PKN2: variants seen among roughly 807,000 people sequenced by gnomAD.
The protein encoded by PKN2 is protein kinase N2, also known as serine/threonine-protein kinase N2.
A neutral mutation model predicts 119.1 loss-of-function variants in PKN2; 38 were observed. That is an observed-to-expected ratio of 0.32 (90% CI 0.25 to 0.42). PKN2 has a LOEUF of 0.42. Ranked by LOEUF, PKN2 falls within the 10% of genes least tolerant of loss-of-function variation. The pLI is 1.00. For synonymous variants in PKN2, 390 were observed against 384.9 expected, an observed-to-expected ratio of 1.01 and a Z score of -0.15; for missense variants, 850 against 1,165.1, an observed-to-expected ratio of 0.73 and a Z score of 3.94.
intron 6 of PKN2, among the ~76,000 whole-genome samples, chr1:88,783,778 T>C (rs1005066108): frequency 5.3e-5 from 8 of 152,196 alleles, no homozygotes; most frequent in Non-Finnish European, 1.0e-4. Flanking sequence ...TTTGAACACC[T>C]TTAGTATTTA....
chr1:88,746,626 G>A (rs2100755329), intron 2 of PKN2, among the ~76,000 whole-genome samples: 1 of 152,246 alleles, frequency 6.6e-6, no homozygotes, highest in Non-Finnish European at 1.5e-5. Context: ...CAAGGATATG[G>A]AGAAAAGGGA....
chr1:88,686,247 A>T (rs1239284622), intron 1 of PKN2, among the ~76,000 whole-genome samples: 1 of 152,130 alleles, frequency 6.6e-6, no homozygotes, highest in African/African-American at 2.4e-5. Context: ...ATTGAGAAAG[A>T]TGATAGGGTC....
chr1:88,751,647 TC>T (rs1669003676), intron 2 of PKN2, among the ~76,000 whole-genome samples: 1 of 152,162 alleles, frequency 6.6e-6, no homozygotes, highest in Non-Finnish European at 1.5e-5. Context: ...CATTTTAGCT[TC>T]AATTCCACAA....
At chr1:88,785,644 G>T (rs964456225) in intron 7 of PKN2, among the ~76,000 whole-genome samples, 1 of 152,126 alleles carries the variant, frequency 6.6e-6, no homozygotes, top group African/African-American at 2.4e-5. Context: ...GTATAACTGG[G>T]GGGAAAAGCA....
chr1:88,786,557 C>T (rs917358125), intron 8 of PKN2, among the ~76,000 whole-genome samples: 7 of 152,130 alleles, frequency 4.6e-5, no homozygotes, highest in African/African-American at 9.7e-5. Context: ...TTATCTTACT[C>T]GAGCTATATT....
chr1:88,832,929 C>A, intron 20 of PKN2, 78 bp downstream of exon 20: 1 of 1,200,368 alleles, frequency 8.3e-7, no homozygotes, highest in Non-Finnish European at 1.2e-6. Context: ...CCCAGTAGAA[C>A]TTTAAAAGCT....
intron 1 of PKN2, among the ~76,000 whole-genome samples, chr1:88,712,414 T>C (rs1667271393): frequency 6.6e-6 from 1 of 152,128 alleles, no homozygotes; most frequent in African/African-American, 2.4e-5. Context: ...GATCAGACTG[T>C]TTTAGGCCAC....
Position 88,833,074 on chromosome 1 carries a change from T to C in PKN2, c.2671-3T>C. 6.2e-7 allele frequency: 1 copy of C among 1,607,576 alleles called. No homozygotes were observed. The highest frequency in any genetic ancestry group is 8.5e-7 in the Non-Finnish European group (1 of 1,176,376). On this transcript the variant is annotated splice_region_variant and splice_polypyrimidine_tract_variant and intron_variant, in intron 20 of 21. Coordinates refer to ENST00000370521, the MANE Select transcript of PKN2 (RefSeq NM_006256.4). ...TTAACTTTTTTATTTTACATTATGC[T>C]AGCTGTTAAGAAGAAATCCTGAACG... is the stretch of plus-strand genomic sequence containing the variant.
intron 1 of PKN2, among the ~76,000 whole-genome samples, chr1:88,694,237 G>A (rs1666440981): frequency 6.6e-6 from 1 of 152,092 alleles, no homozygotes; most frequent in Non-Finnish European, 1.5e-5. Flanking sequence ...ACAGAATAGT[G>A]TCCCTGCACT....
At chr1:88,717,270 A>G (rs1201557135) in intron 1 of PKN2, among the ~76,000 whole-genome samples, 11 of 151,216 alleles carry the variant, frequency 7.3e-5, no homozygotes, top group South Asian at 2.1e-4. Context: ...ACAATTATGT[A>G]TCTTGGAGTT....
chr1:88,829,172 A>T, intron 19 of PKN2: 1 of 739,974 alleles, frequency 1.4e-6, no homozygotes, highest in Non-Finnish European at 2.6e-6. Flanking sequence ...AATTGATATC[A>T]TCCGATGGCC....
intron 8 of PKN2, among the ~76,000 whole-genome samples, chr1:88,795,127 T>C (rs1210483777): frequency 2.0e-5 from 3 of 152,232 alleles, no homozygotes; most frequent in African/African-American, 7.2e-5. Context: ...TTTGCTTTTG[T>C]TTTATAGATT....
In PKN2 at chr1:88,785,173, C is replaced by T. The variant is rs554364336; in HGVS notation, c.1171+349C>T. 1.6e-4 allele frequency among the ~76,000 whole-genome samples: 25 copies of T among 152,264 alleles called. No individual in the cohort carries two copies. The East Asian group carries it at 4.4e-3, about 27-fold the overall frequency. On this transcript the variant is annotated intron_variant, in intron 7 of 21. Transcript: ENST00000370521. ...CTTTATTTTTTGAGACAGTGTTTTG[C>T]TCTGTTGCCCAGGCTGGGTGCAGTG...
intron 3 of PKN2, among the ~76,000 whole-genome samples, chr1:88,766,781 T>C (rs1013665057): frequency 2.0e-5 from 3 of 152,218 alleles, no homozygotes; most frequent in South Asian, 4.1e-4. Context: ...AAAAATTCCA[T>C]TGAATGCCTG....
intron 1 of PKN2, among the ~76,000 whole-genome samples, chr1:88,721,438 T>C (rs1667678674): frequency 6.6e-6 from 1 of 152,208 alleles, no homozygotes; most frequent in South Asian, 2.1e-4. Context: ...TCATTATTTC[T>C]TATATTGTTA....
rs1156462658 is a variant in PKN2, at chr1:88,835,821, T to C, written c.*2373T>C. ...AAATTTGTAACTTTGGTTTTAAGTA[T>C]TCTTTCCTTTTAGAAACTTCCTAAT... On this transcript the variant is annotated 3_prime_UTR_variant, in exon 22 of 22. Transcript: ENST00000370521. The C allele has an allele frequency of 2.0e-5, 3 of 152,364 alleles. No homozygotes were observed. The highest frequency in any genetic ancestry group is 4.4e-5 in the Non-Finnish European group (3 of 67,924). The allele number at this position is 152,364 out of a possible 1,614,324, so 9.4% of individuals were successfully genotyped here.
intron 19 of PKN2, among the ~76,000 whole-genome samples, chr1:88,832,236 A>G (rs1672756859): frequency 1.3e-5 from 2 of 152,078 alleles, no homozygotes; most frequent in South Asian, 4.1e-4. Flanking sequence ...TATCTGATGT[A>G]TTTCCGCAGA....
At chr1:88,788,385 A>G (rs1237522291) in intron 8 of PKN2, among the ~76,000 whole-genome samples, 1 of 152,174 alleles carries the variant, frequency 6.6e-6, no homozygotes, top group Non-Finnish European at 1.5e-5. Flanking sequence ...CCATTTTACA[A>G]ACTAAGGAAA....
chr1:88,809,304 A>G (rs1671687322), intron 15 of PKN2, among the ~76,000 whole-genome samples: 1 of 152,226 alleles, frequency 6.6e-6, no homozygotes. Context: ...TAATTAAAGC[A>G]AGTCTTTGAT....
Sources: gnomAD v4.1 joint callset for allele counts (sites outside exome capture counted in the v4.1 genomes callset) on GRCh38, gnomAD v4.1.1 for gene constraint, MANE v1.5 for transcripts, NCBI Gene and HGNC (gene_info 2026-07-23, HGNC 2026-07-21) for gene names.